Variants in FBLN1 observed in about 807,000 individuals in gnomAD.
FBLN1 encodes fibulin-1.
FBLN1 carries 34 observed loss-of-function variants against 89.7 expected under a neutral mutation model. The ratio of observed to expected loss-of-function variants is 0.38; its 90% CI spans 0.29 to 0.50. The LOEUF is 0.50. Among genes scored for constraint, FBLN1 ranks in the 20% least tolerant of loss-of-function variants. FBLN1 has a pLI of 0.92. For synonymous variants in FBLN1, 393 were observed against 391.3 expected (o/e 1.00, Z -0.05); for missense variants, 777 against 988.1 (o/e 0.79, Z 2.86).
In FBLN1 at chr22:45,549,266, C is replaced by G. The variant is rs1321451063; in HGVS notation, c.1573+522C>G. On this transcript the variant is annotated intron_variant, in intron 13 of 16. Coordinates refer to ENST00000327858, the MANE Select transcript of FBLN1 (RefSeq NM_006486.3). The surrounding 1 kb of genome is among the most constrained non-coding windows in gnomAD (Gnocchi z 5.7). ...TCCCCCAGAGCCATCTGATAACCAT[C>G]CATTCAATCACTGACAGCGGGTGCT... 1.3e-5 allele frequency among the ~76,000 whole-genome samples: 2 copies of G among 152,228 alleles called. No individual in the cohort carries two copies. The highest frequency in any genetic ancestry group is 2.9e-5 in the Non-Finnish European group (2 of 68,034).
At chr22:45,504,432 G>A (rs2087990336) in intron 1 of FBLN1, among the ~76,000 whole-genome samples, 1 of 152,100 alleles carries the variant, frequency 6.6e-6, no homozygotes, top group Non-Finnish European at 1.5e-5. Flanking sequence ...CTTTAGAAGA[G>A]ATGGAGCTTG....
chr22:45,545,919 A>G lies in FBLN1; in HGVS notation c.1322-1166A>G, dbSNP rs2088620262. On this transcript the variant is annotated intron_variant, in intron 11 of 16. Coordinates refer to ENST00000327858, the MANE Select transcript of FBLN1 (RefSeq NM_006486.3). This position sits in a 1 kb window ranked among gnomAD's most constrained non-coding sequence, Gnocchi z 5.9. ...TCCCAGCACTTTGGGAGGCTGAGGCAGGTGGATTACTTGAGGTCAGGAGTT... is the reference window on the plus strand; with the variant it reads ...TCCCAGCACTTTGGGAGGCTGAGGCGGGTGGATTACTTGAGGTCAGGAGTT... Among the ~76,000 whole-genome samples the G allele has an allele frequency of 1.3e-5, 2 of 152,160 alleles. No individual in the cohort carries two copies. Among genetic ancestry groups the G allele is most frequent in the Admixed American group, 6.5e-5 (1 of 15,278 alleles).
Position 45,527,947 on chromosome 22 carries a change from A to C in FBLN1, c.422A>C (p.Gln141Pro), listed in dbSNP as rs136730. ...MVGYQCGQVFQACCVKSQETG... is the reference protein window; with the variant it reads ...MVGYQCGQVFPACCVKSQETG... ...GGCTACCAGTGTGGACAGGTCTTCC[A>C]GGCATGCTGTGTCAAGAGCCAGGAG... The change falls in exon 4 of 17, where the codon CAG becomes CCG. Residue 141 changes from glutamine (Q) to proline (P), a missense_variant. Transcript: ENST00000327858. 7 of 1,614,232 alleles carry C rather than the reference A, an allele frequency of 4.3e-6. No individual in the cohort carries two copies. The highest frequency in any genetic ancestry group is 5.9e-6 in the Non-Finnish European group (7 of 1,180,054).
Position 45,599,339 on chromosome 22 carries a change from C to A in FBLN1, c.1973-968C>A, listed in dbSNP as rs116783727. 7.3e-3 allele frequency among the ~76,000 whole-genome samples: 1,118 copies of A among 152,310 alleles called. 18 individuals carry two copies. Among genetic ancestry groups the A allele is most frequent in the African/African-American group, 0.026 (1,062 of 41,566 alleles). On this transcript the variant is annotated intron_variant, in intron 16 of 16. Coordinates refer to ENST00000327858, the MANE Select transcript of FBLN1 (RefSeq NM_006486.3). ...TGATCCTCTGTCACTCCAGCCACCT[C>A]TTGCTTCCCTGTTATCACAAACACT...
At chr22:45,538,529 A>C (rs2146975952) in intron 8 of FBLN1, among the ~76,000 whole-genome samples, 1 of 152,314 alleles carries the variant, frequency 6.6e-6, no homozygotes, top group South Asian at 2.1e-4. Flanking sequence ...GTATTTAGAA[A>C]TCATTTCATG....
intron 16 of FBLN1, among the ~76,000 whole-genome samples, chr22:45,596,649 CAACAT>C (rs1401493727): frequency 2.0e-5 from 3 of 146,726 alleles, no homozygotes; most frequent in African/African-American, 7.5e-5. Context: ...ATACATATAT[CAACAT>C]AATATAATTA....
At position 45,576,633 on chromosome 22, in the gene FBLN1, C is replaced by G. The variant is rs1257958564; in HGVS notation, c.1841-344C>G. 1.3e-5 allele frequency among the ~76,000 whole-genome samples: 2 copies of G among 152,126 alleles called. No homozygotes were observed. Among genetic ancestry groups the G allele is most frequent in the Non-Finnish European group, 2.9e-5 (2 of 68,016 alleles). On this transcript the variant is annotated intron_variant, in intron 15 of 16. Transcript: ENST00000327858. This position sits in a 1 kb window ranked among gnomAD's most constrained non-coding sequence, Gnocchi z 5.2. ...GCCTTTCTGCTGTCTCCCTCTGTCC[C>G]CTCACTCGCTTTCCTCCTCTGGTCC...
In FBLN1 at chr22:45,577,089, C is replaced by T; in HGVS notation, c.1953C>T (p.Tyr651=). ...ACTCTTTTGACATCATCAAGCGTTA[C>T]ATGGACGGCATGACCGTGGGTGAGT... is the stretch of plus-strand genomic sequence containing the variant. The part of the protein sequence containing the change: ...LRDSFDIIKR[Y]MDGMTVGVVR... Residue 651 remains tyrosine, a synonymous_variant, in exon 16 of 17, where the codon TAC becomes TAT. Coordinates refer to ENST00000327858, the MANE Select transcript of FBLN1 (RefSeq NM_006486.3). This position sits in a 1 kb window ranked among gnomAD's most constrained non-coding sequence, Gnocchi z 6.6. The T allele has an allele frequency of 6.2e-7, 1 of 1,614,162 alleles. No individual in the cohort carries two copies. The highest frequency in any genetic ancestry group is 8.5e-7 in the Non-Finnish European group (1 of 1,180,034).
chr22:45,519,370 C>CA (rs1402919104), intron 2 of FBLN1, among the ~76,000 whole-genome samples: 1 of 152,054 alleles, frequency 6.6e-6, no homozygotes, highest in Non-Finnish European at 1.5e-5. Context: ...CCTGTAATCC[C>CA]AGCACTTTGG....
In FBLN1 at chr22:45,545,538, T is replaced by C. The variant is rs1046946570; in HGVS notation, c.1322-1547T>C. On this transcript the variant is annotated intron_variant, in intron 11 of 16. Coordinates refer to ENST00000327858, the MANE Select transcript of FBLN1 (RefSeq NM_006486.3). The surrounding 1 kb of genome is among the most constrained non-coding windows in gnomAD (Gnocchi z 5.9). ...ATATCCACATTAGTGGACAATATTGTGGATATAGAACCAGAGCCTGGCCAA... is the reference window on the plus strand; with the variant it reads ...ATATCCACATTAGTGGACAATATTGCGGATATAGAACCAGAGCCTGGCCAA... 1.3e-5 allele frequency among the ~76,000 whole-genome samples: 2 copies of C among 152,150 alleles called. No homozygotes were observed. Among genetic ancestry groups the C allele is most frequent in the Admixed American group, 1.3e-4 (2 of 15,284 alleles).
chr22:45,595,215 G>A (rs567137567), intron 16 of FBLN1, among the ~76,000 whole-genome samples: 1 of 152,264 alleles, frequency 6.6e-6, no homozygotes, highest in Middle Eastern at 3.4e-3. Flanking sequence ...GGGAAAGGGG[G>A]TCCTGGGTTG....
chr22:45,522,338 A>G (rs62225002), intron 2 of FBLN1, among the ~76,000 whole-genome samples: 1 of 152,202 alleles, frequency 6.6e-6, no homozygotes, highest in African/African-American at 2.4e-5. Context: ...CTGAAGTAAA[A>G]TCAGTTTTTG....
chr22:45,527,038 CT>C (rs2088338624), intron 3 of FBLN1, among the ~76,000 whole-genome samples: 3 of 152,046 alleles, frequency 2.0e-5, no homozygotes, highest in Non-Finnish European at 4.4e-5. Context: ...GTGACTGATG[CT>C]CCCTACACTT....
chr22:45,586,887 A>G (rs5765510), intron 16 of FBLN1, among the ~76,000 whole-genome samples: 1 of 152,078 alleles, frequency 6.6e-6, no homozygotes, highest in African/African-American at 2.4e-5. Context: ...CATCCACAGC[A>G]CCGGGAGCCA....
rs568477078 is a variant in FBLN1 at position 45,597,225 on chromosome 22, A to G, written c.1973-3082A>G. On this transcript the variant is annotated intron_variant, in intron 16 of 16. Coordinates refer to ENST00000327858, the MANE Select transcript of FBLN1 (RefSeq NM_006486.3). This position sits in a 1 kb window ranked among gnomAD's most constrained non-coding sequence, Gnocchi z 4.2. ...GCCACGTTGCCCACGCTGGTCTCGA[A>G]CTCATGGGCTTGTGATCTGCCCGCC... Among the ~76,000 whole-genome samples, 11 of 152,228 alleles carry G rather than the reference A, an allele frequency of 7.2e-5. No homozygotes were observed. The South Asian group carries it at 2.3e-3, about 32-fold the overall frequency.
In FBLN1 at chr22:45,575,890, G is replaced by A. The variant is rs1375681824; in HGVS notation, c.1841-1087G>A. Reference sequence around the variant, plus strand: ...GGCCTGCGGAGAAGCATGCCATGATGAGTTCATTCAGCAGCCGTGGACGGA... The same window carrying A: ...GGCCTGCGGAGAAGCATGCCATGATAAGTTCATTCAGCAGCCGTGGACGGA... On this transcript the variant is annotated intron_variant, in intron 15 of 16. Transcript: ENST00000327858. The surrounding 1 kb of genome is among the most constrained non-coding windows in gnomAD (Gnocchi z 6.3). Among the ~76,000 whole-genome samples, 1 of 152,230 alleles carries A rather than the reference G, an allele frequency of 6.6e-6. No homozygotes were observed. The highest frequency in any genetic ancestry group is 1.5e-5 in the Non-Finnish European group (1 of 68,034).
intron 4 of FBLN1, among the ~76,000 whole-genome samples, chr22:45,529,447 G>A (rs536757985): frequency 3.3e-5 from 5 of 152,306 alleles, no homozygotes; most frequent in African/African-American, 1.2e-4. Context: ...CTTAGGCCAC[G>A]GTTTCTTGTG....
intron 16 of FBLN1, among the ~76,000 whole-genome samples, chr22:45,595,107 A>G (rs528025624): frequency 8.5e-5 from 13 of 152,252 alleles, no homozygotes; most frequent in African/African-American, 2.9e-4. Flanking sequence ...TGCTTGAACT[A>G]GCCTGGAGAT....
In FBLN1 at chr22:45,532,875, TGGGGGGTGTCCAGAGCCAGAGCCTG is replaced by T. The variant is rs1254209278; in HGVS notation, c.545-183_545-159del. 1.6e-6 allele frequency: 1 copy of T among 634,814 alleles called. No individual in the cohort carries two copies. The highest frequency in any genetic ancestry group is 2.8e-6 in the Non-Finnish European group (1 of 352,246). 39.3% of individuals were successfully genotyped at this position (634,814 alleles called of 1,614,324 possible). ...GGTTGGGACCTGAAGCAGCAGCCCC[TGGGGGGTGTCCAGAGCCAGAGCCTG>T]GGGGTCTCCCAGTAGGGCAGCAGGT... On this transcript the variant is annotated intron_variant, in intron 5 of 16. Coordinates refer to ENST00000327858, the MANE Select transcript of FBLN1 (RefSeq NM_006486.3). This position sits in a 1 kb window ranked among gnomAD's most constrained non-coding sequence, Gnocchi z 4.2.
Sources: gnomAD v4.1 joint callset for allele counts (sites outside exome capture counted in the v4.1 genomes callset) on GRCh38, gnomAD v4.1.1 for gene constraint, Gnocchi (gnomAD v3.1) non-coding constraint, MANE v1.5 for transcripts, NCBI Gene and HGNC (gene_info 2026-07-23, HGNC 2026-07-21) for gene names.